RAD51B: variants seen among roughly 807,000 people sequenced by gnomAD.
The protein encoded by RAD51B is DNA repair protein RAD51 homolog 2.
RAD51B carries 38 observed loss-of-function variants against 42.2 expected under a neutral mutation model. The observed-to-expected ratio is 0.90, with a 90% CI of 0.70 to 1.18. The LOEUF is 1.18. Ranked by LOEUF, RAD51B falls within the 50% of genes most tolerant of loss-of-function variation. The pLI is 0.00. For missense variants in RAD51B, 373 were observed against 400.7 expected (o/e 0.93, Z 0.59); for synonymous variants, 154 against 145.2 (o/e 1.06, Z -0.43).
chr14:68,679,102 T>A (rs139360620), intron 11 of RAD51B, among the ~76,000 whole-genome samples: 1 of 152,298 alleles, frequency 6.6e-6, no homozygotes, highest in East Asian at 1.9e-4. Context: ...AAAGCAGTCT[T>A]ATACTATATT....
At chr14:68,225,377 A>G (rs1367828347) in intron 7 of RAD51B, among the ~76,000 whole-genome samples, 1 of 152,218 alleles carries the variant, frequency 6.6e-6, no homozygotes, top group African/African-American at 2.4e-5. Context: ...AATCATTAGA[A>G]ACATGCTGAG....
At chr14:68,152,498 T>C (rs2078409896) in intron 7 of RAD51B, among the ~76,000 whole-genome samples, 1 of 152,178 alleles carries the variant, frequency 6.6e-6, no homozygotes, top group Non-Finnish European at 1.5e-5. Flanking sequence ...GGATCCCCAT[T>C]GTGTTGGTCA....
chr14:67,964,828 T>C (rs1480865574), intron 7 of RAD51B, among the ~76,000 whole-genome samples: 1 of 152,194 alleles, frequency 6.6e-6, no homozygotes, highest in Non-Finnish European at 1.5e-5. Context: ...ATGGACCTTC[T>C]TGTTAAAAGC....
chr14:68,669,707 G>T (rs1451881462), intron 11 of RAD51B, among the ~76,000 whole-genome samples: 1 of 151,854 alleles, frequency 6.6e-6, no homozygotes, highest in Non-Finnish European at 1.5e-5. Flanking sequence ...TTGTAGCAGA[G>T]CCCTGGGATT....
At chr14:68,235,446 T>C (rs987356972) in intron 7 of RAD51B, among the ~76,000 whole-genome samples, 7 of 151,858 alleles carry the variant, frequency 4.6e-5, no homozygotes, top group Admixed American at 4.6e-4. Context: ...GGCTCACGCC[T>C]GTAATCCCAG....
chr14:68,325,900 G>A (rs149046342), intron 8 of RAD51B, among the ~76,000 whole-genome samples: 400 of 152,084 alleles, frequency 2.6e-3, no homozygotes, highest in Middle Eastern at 0.01. Flanking sequence ...TCTCTACTAA[G>A]TGTCAAGCTC....
intron 7 of RAD51B, among the ~76,000 whole-genome samples, chr14:68,022,406 G>A (rs1158995907): frequency 6.6e-6 from 1 of 152,148 alleles, no homozygotes; most frequent in African/African-American, 2.4e-5. Flanking sequence ...GAGTGCCTGT[G>A]TCTTTTTGGT....
intron 8 of RAD51B, among the ~76,000 whole-genome samples, chr14:68,392,327 C>T (rs2083781299): frequency 6.6e-6 from 1 of 152,184 alleles, no homozygotes; most frequent in Non-Finnish European, 1.5e-5. Context: ...GAAGGCTTGT[C>T]ATAGGTTCCT....
intron 7 of RAD51B, among the ~76,000 whole-genome samples, chr14:68,283,088 CACTT>C (rs1327248403): frequency 6.6e-6 from 1 of 152,188 alleles, no homozygotes; most frequent in African/African-American, 2.4e-5. Flanking sequence ...AAGGGGAAAT[CACTT>C]AATACCAGCC....
intron 7 of RAD51B, among the ~76,000 whole-genome samples, chr14:68,246,983 C>T (rs865913166): frequency 3.9e-5 from 6 of 152,310 alleles, no homozygotes; most frequent in African/African-American, 1.2e-4. Context: ...CTTTTCTATC[C>T]TGTGACTGAA....
intron 7 of RAD51B, among the ~76,000 whole-genome samples, chr14:67,973,734 T>A (rs2074940357): frequency 6.6e-6 from 1 of 152,152 alleles, no homozygotes; most frequent in Non-Finnish European, 1.5e-5. Context: ...CTCTTTAAGA[T>A]CAGTAGTAGC....
chr14:68,062,814 C>CAAAA (rs962527138), intron 7 of RAD51B, among the ~76,000 whole-genome samples: 3 of 39,764 alleles, frequency 7.5e-5, no homozygotes, highest in Admixed American at 2.4e-4. Context: ...GACTCTGTGA[C>CAAAA]AAAAAAAAAA....
intron 7 of RAD51B, among the ~76,000 whole-genome samples, chr14:67,959,494 G>A (rs936670093): frequency 6.6e-6 from 1 of 152,054 alleles, no homozygotes; most frequent in Non-Finnish European, 1.5e-5. Context: ...TGATCCTCCT[G>A]CCTCAGCCTC....
At chr14:67,998,803 A>G (rs1369430960) in intron 7 of RAD51B, among the ~76,000 whole-genome samples, 1 of 152,192 alleles carries the variant, frequency 6.6e-6, no homozygotes, top group Non-Finnish European at 1.5e-5. Context: ...TCACAGTCTT[A>G]TATGAGTACT....
At chr14:68,059,550 CAT>C (rs757297216) in intron 7 of RAD51B, among the ~76,000 whole-genome samples, 4 of 152,176 alleles carry the variant, frequency 2.6e-5, no homozygotes, top group African/African-American at 4.8e-5. Flanking sequence ...TTATTTGTAA[CAT>C]ATGCCCGTAA....
intron 8 of RAD51B, among the ~76,000 whole-genome samples, chr14:68,366,530 G>A (rs1211705839): frequency 5.3e-5 from 8 of 152,266 alleles, no homozygotes; most frequent in South Asian, 2.1e-4. Flanking sequence ...AGTCTGCCTC[G>A]TGTCCCTGGA....
chr14:68,675,108 C>G (rs1346021041), intron 11 of RAD51B, among the ~76,000 whole-genome samples: 1 of 152,152 alleles, frequency 6.6e-6, no homozygotes, highest in African/African-American at 2.4e-5. Flanking sequence ...CAGCTCTGCC[C>G]AGCCTGGAGG....
intron 7 of RAD51B, among the ~76,000 whole-genome samples, chr14:67,956,094 CTTG>C (rs2074541090): frequency 1.3e-5 from 2 of 152,054 alleles, no homozygotes; most frequent in African/African-American, 4.8e-5. Context: ...TTAGTTTTCA[CTTG>C]TTATACTTAA....
At chr14:68,275,370 A>G (rs1294921072) in intron 7 of RAD51B, among the ~76,000 whole-genome samples, 1 of 152,176 alleles carries the variant, frequency 6.6e-6, no homozygotes, top group East Asian at 1.9e-4. Context: ...GTTGGCTTTG[A>G]AAACATAATG....
Sources: allele counts gnomAD v4.1 joint callset (sites outside exome capture counted in the v4.1 genomes callset), GRCh38; gene constraint gnomAD v4.1.1; transcripts MANE v1.5; gene names NCBI Gene and HGNC (gene_info 2026-07-23, HGNC 2026-07-21).